RNF34: variants seen among roughly 807,000 people sequenced by gnomAD.
RNF34 encodes the protein E3 ubiquitin-protein ligase RNF34.
RNF34 carries 12 observed loss-of-function variants against 37.9 expected under a neutral mutation model. The ratio of observed to expected loss-of-function variants is 0.32; its 90% CI spans 0.20 to 0.51. The LOEUF (loss-of-function observed/expected upper bound fraction) is 0.51. Ranked by LOEUF, RNF34 falls within the 20% of genes least tolerant of loss-of-function variation. RNF34 has a pLI of 0.97. For synonymous variants in RNF34, 155 were observed against 177.2 expected, an observed-to-expected ratio of 0.87 and a Z score of 1.00; for missense variants, 362 against 472.7, an observed-to-expected ratio of 0.77 and a Z score of 2.17.
chr12:121,421,371 T>TAAAAAAAAAAAAAA (rs11398833), intron 5 of RNF34, among the ~76,000 whole-genome samples: 2 of 46,366 alleles, frequency 4.3e-5, no homozygotes, highest in Non-Finnish European at 4.4e-5. Flanking sequence ...ATCCCATCTC[T>TAAAAAAAAAAAAAA]AAAAAAAAAA....
At chr12:121,406,581 C>T (rs1316102264) in intron 1 of RNF34, among the ~76,000 whole-genome samples, 1 of 152,176 alleles carries the variant, frequency 6.6e-6, no homozygotes, top group Non-Finnish European at 1.5e-5. Flanking sequence ...GCCACCGCGC[C>T]GGGCTGGTGT....
intron 1 of RNF34, among the ~76,000 whole-genome samples, chr12:121,412,942 C>G (rs1555281535): frequency 6.6e-6 from 1 of 151,942 alleles, no homozygotes; most frequent in African/African-American, 2.4e-5. Context: ...GTCTCGAACT[C>G]TTGACCTCAT....
At chr12:121,408,954 T>G (rs1443791706) in intron 1 of RNF34, among the ~76,000 whole-genome samples, 3 of 151,816 alleles carry the variant, frequency 2.0e-5, no homozygotes, top group African/African-American at 7.3e-5. Context: ...AGAATCAGAT[T>G]GTTAAAAACT....
rs1555282329 is a variant in RNF34 at position 121,417,475 on chromosome 12, G to A, written c.226-29G>A. 2.5e-6 allele frequency: 4 copies of A among 1,583,714 alleles called. No homozygotes were observed. The highest frequency in any genetic ancestry group is 3.4e-6 in the Non-Finnish European group (4 of 1,163,310). On this transcript the variant is annotated intron_variant, in intron 2 of 5. Transcript: ENST00000361234. The surrounding 1 kb of genome is among the most constrained non-coding windows in gnomAD (Gnocchi z 5.0). ...ATGCTTTCATAATGGTTTATATCTTGCTGTCATCAAATGCTTTTCTTTCTT... is the reference window on the plus strand; with the variant it reads ...ATGCTTTCATAATGGTTTATATCTTACTGTCATCAAATGCTTTTCTTTCTT...
chr12:121,410,817 C>T (rs1382352456), intron 1 of RNF34, among the ~76,000 whole-genome samples: 2 of 152,184 alleles, frequency 1.3e-5, no homozygotes, highest in Non-Finnish European at 2.9e-5. Context: ...AGGATTGCTT[C>T]TTTACCTTCT....
chr12:121,412,230 C>CTTT lies in RNF34; in HGVS notation c.7-3904_7-3902dup, dbSNP rs560473770. 1.8e-4 allele frequency among the ~76,000 whole-genome samples: 9 copies of CTTT among 49,648 alleles called. No individual in the cohort carries two copies. In the South Asian group the frequency reaches 2.9e-3, roughly 16 times the overall value. The allele number at this position is 49,648 out of a possible 152,430, so 32.6% of individuals were successfully genotyped here. On this transcript the variant is annotated intron_variant, in intron 1 of 5. Transcript: ENST00000361234. ...GCACGTGCCACCATGCCCAACTAAT[C>CTTT]TTTTTTTTTTTTTTTTTTTTTTTTT...
At chr12:121,408,266 C>T (rs1870738754) in intron 1 of RNF34, among the ~76,000 whole-genome samples, 1 of 152,022 alleles carries the variant, frequency 6.6e-6, no homozygotes, top group Non-Finnish European at 1.5e-5. Flanking sequence ...CATGGTGAAA[C>T]CCCGTCTCTA....
chr12:121,422,962 T>C (rs1555283656), intron 5 of RNF34, among the ~76,000 whole-genome samples: 2 of 152,158 alleles, frequency 1.3e-5, no homozygotes, highest in African/African-American at 4.8e-5. Flanking sequence ...CTCCAGAGAC[T>C]GTGGTGTTCC....
chr12:121,423,182 C>G lies in RNF34; in HGVS notation c.929-204C>G, dbSNP rs1186341634. The stretch of plus-strand genomic sequence containing the variant: ...TCAAGCATTTTATTCTTTACAAAAC[C>G]CTGAGGTATAGCTTTTATCATTGCC... On this transcript the variant is annotated intron_variant, in intron 5 of 5. Coordinates refer to ENST00000361234, the MANE Select transcript of RNF34 (RefSeq NM_025126.4). The surrounding 1 kb of genome is among the most constrained non-coding windows in gnomAD (Gnocchi z 4.3). Among the ~76,000 whole-genome samples, 1 of 152,094 alleles carries G rather than the reference C, an allele frequency of 6.6e-6. No individual in the cohort carries two copies. The highest frequency in any genetic ancestry group is 1.9e-4 in the East Asian group (1 of 5,200).
intron 1 of RNF34, chr12:121,415,450 A>G (rs145447461): frequency 5.3e-5 from 10 of 188,188 alleles, no homozygotes; most frequent in South Asian, 3.6e-4. Flanking sequence ...GTGAAACCCA[A>G]TCTCTACTAA....
chr12:121,423,497 C>T lies in RNF34; in HGVS notation c.1040C>T (p.Thr347Ile), dbSNP rs781853828. The T allele has an allele frequency of 1.2e-6, 2 of 1,614,206 alleles. No homozygotes were observed. Among genetic ancestry groups the T allele is most frequent in the South Asian group, 1.1e-5 (1 of 91,066 alleles). ...LLECGHMVTC[T>I]KCGKRMSECP... ...GAGTGTGGGCACATGGTTACCTGCACCAAGTGCGGCAAGCGCATGAGTGAG... is the reference window on the plus strand; with the variant it reads ...GAGTGTGGGCACATGGTTACCTGCATCAAGTGCGGCAAGCGCATGAGTGAG... The change falls in exon 6 of 6, where the codon ACC becomes ATC. Residue 347 changes from threonine (T) to isoleucine (I), a missense_variant. Coordinates refer to ENST00000361234, the MANE Select transcript of RNF34 (RefSeq NM_025126.4). The surrounding 1 kb of genome is among the most constrained non-coding windows in gnomAD (Gnocchi z 4.3).
At chr12:121,415,265 A>G (rs1004298725) in intron 1 of RNF34, 3 of 310,844 alleles carry the variant, frequency 9.7e-6, no homozygotes, top group Non-Finnish European at 2.1e-5. Context: ...TTATTTACAT[A>G]TGCTATAGTA....
chr12:121,412,879 A>G (rs1176294564), intron 1 of RNF34, among the ~76,000 whole-genome samples: 3 of 145,972 alleles, frequency 2.1e-5, no homozygotes, highest in African/African-American at 7.6e-5. Context: ...TGCCTGGGCC[A>G]GCTATTTTTG....
At chr12:121,405,834 C>T (rs1164470115) in intron 1 of RNF34, among the ~76,000 whole-genome samples, 32 of 149,046 alleles carry the variant, frequency 2.1e-4, no homozygotes, top group African/African-American at 7.9e-4. Flanking sequence ...TGCTCTGTTG[C>T]CCAGGCTGGA....
rs782456613 is a variant in RNF34, at chr12:121,423,462, T to C, written c.1005T>C (p.Cys335=). ...CRICMDAVID[C]VLLECGHMVT... ...TCTGCATGGATGCCGTCATCGACTG[T>C]GTCCTACTGGAGTGTGGGCACATGG... The change falls in exon 6 of 6, where the codon TGT becomes TGC. Residue 335 remains cysteine, a synonymous_variant. Transcript: ENST00000361234. The surrounding 1 kb of genome is among the most constrained non-coding windows in gnomAD (Gnocchi z 4.3). 3.7e-6 allele frequency: 6 copies of C among 1,613,768 alleles called. No homozygotes were observed. Among genetic ancestry groups the C allele is most frequent in the Non-Finnish European group, 5.1e-6 (6 of 1,179,898 alleles).
chr12:121,420,203 T>C lies in RNF34; in HGVS notation c.634-39T>C, dbSNP rs1555282993. 4.4e-6 allele frequency: 7 copies of C among 1,595,224 alleles called. No individual in the cohort carries two copies. The South Asian group carries it at 5.5e-5, about 13-fold the overall frequency. On this transcript the variant is annotated intron_variant, in intron 3 of 5. Transcript: ENST00000361234. ...GGTTTTCTCTAGTGATAAATACAGA[T>C]TGATTCCTGACCTAATCAGATACGT... is the stretch of plus-strand genomic sequence containing the variant.
In RNF34 at chr12:121,400,193, G is replaced by T; in HGVS notation, c.-20G>T. 6.2e-7 allele frequency: 1 copy of T among 1,608,392 alleles called. No homozygotes were observed. ...GCTGAGTTTCCTGGTAGAGCCGGCC[G>T]AGCTGAGGCGGTCGCGGCCATGAAG... is the stretch of plus-strand genomic sequence containing the variant. On this transcript the variant is annotated 5_prime_UTR_variant, in exon 1 of 6. The change creates a premature stop within an existing upstream ORF in the 5' untranslated region. Transcript: ENST00000361234.
intron 3 of RNF34, chr12:121,418,165 CTCTG>C (rs1871751982): frequency 1.4e-5 from 7 of 489,532 alleles, no homozygotes; most frequent in South Asian, 7.9e-5. Flanking sequence ...TAGTTAATTT[CTCTG>C]TCTTACACAG....
rs1242547263 is a variant in RNF34 at position 121,423,780 on chromosome 12, T to A, written c.*204T>A. The stretch of plus-strand genomic sequence containing the variant: ...CCTGTCTGCCTGTGGACACGTGAGC[T>A]TCCCGGGCTCAGCTGGGCTTTATCA... On this transcript the variant is annotated 3_prime_UTR_variant, in exon 6 of 6. Coordinates refer to ENST00000361234, the MANE Select transcript of RNF34 (RefSeq NM_025126.4). The surrounding 1 kb of genome is among the most constrained non-coding windows in gnomAD (Gnocchi z 4.3). The A allele has an allele frequency of 1.9e-6, 1 of 537,446 alleles. No homozygotes were observed. Among genetic ancestry groups the A allele is most frequent in the East Asian group, 3.2e-5 (1 of 31,064 alleles). 33.3% of individuals were successfully genotyped at this position (537,446 alleles called of 1,614,324 possible). A position where few individuals can be genotyped will look rare whatever the true frequency, so the allele number is the denominator to read the frequency against.
Sources: gnomAD v4.1 joint callset for allele counts (sites outside exome capture counted in the v4.1 genomes callset) on GRCh38, gnomAD v4.1.1 for gene constraint, Gnocchi (gnomAD v3.1) non-coding constraint, MANE v1.5 for transcripts, NCBI Gene and HGNC (gene_info 2026-07-23, HGNC 2026-07-21) for gene names.